The following GADL1 variants were observed in gnomAD, a reference collection of about 807,000 sequenced individuals.
GADL1 encodes the protein GAD like acidic amino acid decarboxylase 1, also known as acidic amino acid decarboxylase GADL1.
Under a neutral mutation model 69.5 loss-of-function variants are expected in GADL1, and 71 were observed. That is an observed-to-expected ratio of 1.02 (90% CI 0.84 to 1.25). GADL1 has a LOEUF of 1.25. Among genes scored for constraint, GADL1 ranks in the 50% most tolerant of loss-of-function variants. The pLI is 0.00. For missense variants in GADL1, 737 were observed against 631.8 expected (o/e 1.17, Z -1.79); for synonymous variants, 254 against 214.4 (o/e 1.18, Z -1.62).
intron 5 of GADL1, 88 bp from the exon 6 acceptor site, chr3:30,850,199 T>C (rs973914527): frequency 2.7e-6 from 2 of 739,558 alleles, no homozygotes; most frequent in Non-Finnish European, 2.4e-6. Context: ...TGAATGGCCA[T>C]GACTGCTCTA....
At chr3:30,812,917 G>A (rs1043237130) in intron 11 of GADL1, among the ~76,000 whole-genome samples, 11 of 151,806 alleles carry the variant, frequency 7.2e-5, no homozygotes, top group Non-Finnish European at 8.8e-5. Flanking sequence ...AGGGTAGATC[G>A]GGGAAGAAGA....
intron 11 of GADL1, among the ~76,000 whole-genome samples, chr3:30,827,229 G>C (rs560507462): frequency 2.6e-5 from 4 of 151,186 alleles, no homozygotes; most frequent in African/African-American, 9.7e-5. Flanking sequence ...GTAGTAGAGC[G>C]ATAGTGGTGA....
intron 14 of GADL1, among the ~76,000 whole-genome samples, chr3:30,728,784 A>C (rs1261821774): frequency 2.0e-5 from 3 of 152,148 alleles, no homozygotes; most frequent in African/African-American, 7.2e-5. Context: ...AAAACAAATC[A>C]GGTGTCCACA....
At chr3:30,782,377 G>GA (rs1028278460) in intron 13 of GADL1, among the ~76,000 whole-genome samples, 4 of 152,090 alleles carry the variant, frequency 2.6e-5, no homozygotes, top group African/African-American at 4.8e-5. Flanking sequence ...TTTGGGAGTG[G>GA]AGAAGACTAA....
chr3:30,741,223 C>T (rs1695622108), intron 14 of GADL1, among the ~76,000 whole-genome samples: 1 of 119,192 alleles, frequency 8.4e-6, no homozygotes, highest in African/African-American at 3.7e-5. Flanking sequence ...TGTGTGTATT[C>T]CAACACTGTG....
At chr3:30,760,079 TTG>T (rs1696092037) in intron 14 of GADL1, among the ~76,000 whole-genome samples, 2 of 152,354 alleles carry the variant, frequency 1.3e-5, no homozygotes, top group South Asian at 2.1e-4. Flanking sequence ...AGTTTTGTGA[TTG>T]TTTCACAGTA....
At chr3:30,748,522 T>G (rs1318315562) in intron 14 of GADL1, among the ~76,000 whole-genome samples, 1 of 152,166 alleles carries the variant, frequency 6.6e-6, no homozygotes, top group Non-Finnish European at 1.5e-5. Context: ...CCAAAGGATT[T>G]GAGAAGAATG....
rs1271746543 is a variant in GADL1, at chr3:30,728,418, G to A, written c.1393-3C>T. 1 of 1,612,808 alleles carries A rather than the reference G, an allele frequency of 6.2e-7. No homozygotes were observed. The highest frequency in any genetic ancestry group is 8.5e-7 in the Non-Finnish European group (1 of 1,179,168). ...CTCTCCTTAATGGCTGGGGCCACCT[G>A]TGTGGGGAGAAAAGGGGAGAGGGGT... On this transcript the variant is annotated splice_polypyrimidine_tract_variant and splice_region_variant and intron_variant, in intron 14 of 14. Coordinates refer to ENST00000282538, the MANE Select transcript of GADL1 (RefSeq NM_207359.3).
At chr3:30,789,990 C>T (rs1165339662) in intron 12 of GADL1, among the ~76,000 whole-genome samples, 1 of 152,308 alleles carries the variant, frequency 6.6e-6, no homozygotes, top group East Asian at 1.9e-4. Flanking sequence ...CCTCTAATTT[C>T]CCTCAAGAAC....
intron 14 of GADL1, among the ~76,000 whole-genome samples, chr3:30,739,523 A>G (rs767843635): frequency 2.0e-5 from 3 of 152,196 alleles, no homozygotes; most frequent in Non-Finnish European, 4.4e-5. Flanking sequence ...TTATCCATAC[A>G]AAGTTAGTTG....
chr3:30,779,622 G>A (rs1188999061), intron 13 of GADL1, among the ~76,000 whole-genome samples: 1 of 152,080 alleles, frequency 6.6e-6, no homozygotes, highest in East Asian at 1.9e-4. Flanking sequence ...GATTTATCTA[G>A]GATAGACTGT....
At chr3:30,810,839 C>T (rs1024088698) in intron 11 of GADL1, among the ~76,000 whole-genome samples, 24 of 152,156 alleles carry the variant, frequency 1.6e-4, no homozygotes, top group South Asian at 4.2e-4. Context: ...CAGCCTTCCA[C>T]GCAAAATGAG....
At chr3:30,744,676 C>T (rs1385892772) in intron 14 of GADL1, among the ~76,000 whole-genome samples, 1 of 151,982 alleles carries the variant, frequency 6.6e-6, no homozygotes, top group Non-Finnish European at 1.5e-5. Flanking sequence ...ATCACACCAC[C>T]GCACTCCAGC....
rs1698613779 is a variant in GADL1 at position 30,879,275 on chromosome 3, C to A, written c.37+15303G>T. Among the ~76,000 whole-genome samples, 2 of 151,880 alleles carry A rather than the reference C, an allele frequency of 1.3e-5. 1 individual carries two copies. The highest frequency in any genetic ancestry group is 4.1e-4 in the South Asian group (2 of 4,826). The stretch of plus-strand genomic sequence containing the variant: ...TGGTATAGACATTTCTGGGCTTATG[C>A]CCCATCCTTCCTTGGCTCCCCAGTA... On this transcript the variant is annotated intron_variant, in intron 1 of 14. Coordinates refer to ENST00000282538, the MANE Select transcript of GADL1 (RefSeq NM_207359.3).
At chr3:30,801,992 TTTA>T (rs923828972) in intron 11 of GADL1, among the ~76,000 whole-genome samples, 8 of 152,200 alleles carry the variant, frequency 5.3e-5, no homozygotes, top group Non-Finnish European at 8.8e-5. Context: ...AACTCTCTAT[TTTA>T]TTATGATACT....
intron 14 of GADL1, among the ~76,000 whole-genome samples, chr3:30,751,450 C>T (rs1045532226): frequency 1.2e-4 from 17 of 147,076 alleles, no homozygotes; most frequent in Non-Finnish European, 1.9e-4. Flanking sequence ...TCTTTTATTC[C>T]TTCGTGTCTT....
chr3:30,847,775 C>T (rs898071804), intron 6 of GADL1, among the ~76,000 whole-genome samples: 1 of 152,186 alleles, frequency 6.6e-6, no homozygotes, highest in Non-Finnish European at 1.5e-5. Flanking sequence ...TTTTGCCTCT[C>T]TTTGGAAAGT....
At chr3:30,816,716 T>C (rs1471616174) in intron 11 of GADL1, among the ~76,000 whole-genome samples, 3 of 151,798 alleles carry the variant, frequency 2.0e-5, no homozygotes, top group Non-Finnish European at 4.4e-5. Context: ...TGGCTACTTT[T>C]TGTGTTTTTG....
chr3:30,776,984 T>A (rs1696555379), intron 14 of GADL1, among the ~76,000 whole-genome samples: 2 of 152,214 alleles, frequency 1.3e-5, no homozygotes, highest in African/African-American at 4.8e-5. Context: ...TATCACACAT[T>A]GGGGTAGATA....
Sources: allele counts gnomAD v4.1 joint callset (sites outside exome capture counted in the v4.1 genomes callset), GRCh38; gene constraint gnomAD v4.1.1; transcripts MANE v1.5; gene names NCBI Gene and HGNC (gene_info 2026-07-23, HGNC 2026-07-21).